FGF13: variants seen among roughly 807,000 people sequenced by gnomAD.
FGF13 encodes fibroblast growth factor homologous factor 2.
Under a neutral mutation model 19.5 loss-of-function variants are expected in FGF13, and 2 were observed. The observed-to-expected ratio is 0.10, with a 90% CI of 0.04 to 0.32. The LOEUF (loss-of-function observed/expected upper bound fraction) is 0.32. Among genes scored for constraint, FGF13 ranks in the 10% least tolerant of loss-of-function variants. The pLI, the probability that FGF13 is intolerant of heterozygous loss-of-function variation, is 1.00. For missense variants in FGF13, 113 were observed against 192.7 expected (o/e 0.59, Z 2.45); for synonymous variants, 72 against 76.9 (o/e 0.94, Z 0.33).
intron 1 of FGF13, among the ~76,000 whole-genome samples, chrX:138,718,154 G>C (rs1194121159): frequency 8.9e-6 from 1 of 112,434 alleles, no homozygotes; most frequent in Non-Finnish European, 1.9e-5. Flanking sequence ...AATATTTGAA[G>C]ATCTTGAAGG....
chrX:138,708,146 C>T (rs763649554), intron 2 of FGF13, among the ~76,000 whole-genome samples: 5 of 112,259 alleles, frequency 4.5e-5, no homozygotes, highest in Non-Finnish European at 7.5e-5. Flanking sequence ...TTTATTACTC[C>T]TAATAAATAA....
Position 139,175,354 on chromosome X carries a change from C to A in FGF13, c.-113+28062G>T, listed in dbSNP as rs138749246. 7.9e-3 allele frequency among the ~76,000 whole-genome samples: 885 copies of A among 112,249 alleles called. 8 individuals carry two copies. The highest frequency in any genetic ancestry group is 0.027 in the African/African-American group (836 of 30,917). On this transcript the variant is annotated intron_variant, in intron 1 of 2. Coordinates refer to the FGF13 transcript ENST00000421460. ...CAGTCATGTCATCTGCATACAGAGA[C>A]AATTTGACTTCCTCTCTTTCTATTT...
At chrX:139,088,745 C>T (rs183898740) in intron 1 of FGF13, among the ~76,000 whole-genome samples, 47 of 111,556 alleles carry the variant, frequency 4.2e-4, no homozygotes, top group African/African-American at 1.1e-3. Flanking sequence ...AAGGAACACA[C>T]TCCATCGAGG....
chrX:138,890,392 C>A (rs184202139), intron 1 of FGF13, among the ~76,000 whole-genome samples: 1 of 111,398 alleles, frequency 9.0e-6, no homozygotes, highest in Non-Finnish European at 1.9e-5. Context: ...ATATATGAAT[C>A]ATTGGTGTCA....
At chrX:139,179,394 T>A (rs1057035681) in intron 1 of FGF13, among the ~76,000 whole-genome samples, 16 of 110,915 alleles carry the variant, frequency 1.4e-4, no homozygotes, top group African/African-American at 5.3e-4. Context: ...GTTTTCATTT[T>A]ATTTCATTTT....
At chrX:139,119,235 T>C (rs947441773) in intron 1 of FGF13, among the ~76,000 whole-genome samples, 2 of 111,411 alleles carry the variant, frequency 1.8e-5, no homozygotes, top group Admixed American at 1.9e-4. Flanking sequence ...AAGTCCTTAT[T>C]TACCCAAATC....
intron 3 of FGF13, among the ~76,000 whole-genome samples, chrX:138,751,909 C>A (rs2090401282): frequency 1.8e-5 from 2 of 111,770 alleles, no homozygotes; most frequent in Admixed American, 1.9e-4. Flanking sequence ...CAACAACCCC[C>A]CAACACAGCT....
chrX:138,848,474 G>A lies in FGF13; in HGVS notation c.217+9038C>T, dbSNP rs182404495. Among the ~76,000 whole-genome samples, 59 of 111,172 alleles carry A rather than the reference G, an allele frequency of 5.3e-4. No individual in the cohort carries two copies. In the Middle Eastern group the frequency reaches 0.014, roughly 26 times the overall value. On this transcript the variant is annotated intron_variant, in intron 3 of 6. Coordinates refer to the FGF13 transcript ENST00000436198. ...TAAAAAAAAGTACCCCTGTTGAGCC[G>A]CTACCACAATAAATTTTTTTCCAGT...
At chrX:139,033,027 CAAAAAAAAAAAAAAAAA>C (rs758766077) in intron 1 of FGF13, among the ~76,000 whole-genome samples, 2 of 27,271 alleles carry the variant, frequency 7.3e-5, no homozygotes, top group African/African-American at 1.3e-4. Flanking sequence ...TCTGATTATC[CAAAAAAAAAAAAAAAAA>C]AAAAAAAAAA....
intron 3 of FGF13, among the ~76,000 whole-genome samples, chrX:138,847,568 C>G (rs2091191634): frequency 9.0e-6 from 1 of 111,682 alleles, no homozygotes; most frequent in Admixed American, 9.5e-5. Flanking sequence ...AAGACAAGGG[C>G]AAGTGCTGAT....
At chrX:139,050,695 T>C (rs1409806966) in intron 1 of FGF13, among the ~76,000 whole-genome samples, 2 of 112,088 alleles carry the variant, frequency 1.8e-5, no homozygotes, top group Non-Finnish European at 3.8e-5. Flanking sequence ...CTTATAGATG[T>C]TGGGTGTATT....
intron 1 of FGF13, among the ~76,000 whole-genome samples, chrX:139,020,536 G>C (rs2092173889): frequency 9.0e-6 from 1 of 110,951 alleles, no homozygotes; most frequent in Non-Finnish European, 1.9e-5. Flanking sequence ...CCGTATTATG[G>C]GGCCTGGTTC....
chrX:139,041,438 G>A (rs773357758), intron 1 of FGF13, among the ~76,000 whole-genome samples: 2 of 111,479 alleles, frequency 1.8e-5, no homozygotes, highest in South Asian at 7.5e-4. Flanking sequence ...CAAAAGCACT[G>A]ATACTAATAC....
intron 1 of FGF13, among the ~76,000 whole-genome samples, chrX:139,013,647 CTG>C (rs1162089951): frequency 4.7e-5 from 5 of 106,938 alleles, no homozygotes; most frequent in Non-Finnish European, 9.6e-5. Context: ...AAACCAAACA[CTG>C]TGTATTCTCA....
intron 1 of FGF13, among the ~76,000 whole-genome samples, chrX:139,055,536 G>C (rs2092318291): frequency 8.9e-6 from 1 of 112,437 alleles, no homozygotes; most frequent in Non-Finnish European, 1.9e-5. Flanking sequence ...TGTGTAAAAT[G>C]AACAAATTGA....
At chrX:138,873,051 G>T (rs2091366903) in intron 1 of FGF13, among the ~76,000 whole-genome samples, 1 of 111,612 alleles carries the variant, frequency 9.0e-6, no homozygotes, top group African/African-American at 3.3e-5. Context: ...ACGTTTTGAG[G>T]TTTTTTTGTG....
chrX:138,964,638 C>G (rs1052732905), intron 1 of FGF13, among the ~76,000 whole-genome samples: 2 of 111,679 alleles, frequency 1.8e-5, no homozygotes, highest in African/African-American at 3.3e-5. Flanking sequence ...TGCAGCTGTA[C>G]AAGAAGCGTA....
Position 138,711,192 on chromosome X carries a change from C to G in FGF13, c.-189G>C. 9.4e-7 allele frequency: 1 copy of G among 1,059,811 alleles called. No homozygotes were observed. The highest frequency in any genetic ancestry group is 1.2e-6 in the Non-Finnish European group (1 of 826,788). The allele number at this position is 1,059,811 out of a possible 1,213,427, so 87.3% of individuals were successfully genotyped here. A position where few individuals can be genotyped will look rare whatever the true frequency, so the allele number is the denominator to read the frequency against. ...GGGGCTCAGCATGCCGTCCGAGCTC[C>G]TCCGGCGGCGGTCCGGCTCCCGCGC... On this transcript the variant is annotated 5_prime_UTR_variant, in exon 1 of 5. Coordinates refer to ENST00000315930, the MANE Select transcript of FGF13 (RefSeq NM_004114.5).
At chrX:138,840,685 G>A (rs955920467) in intron 3 of FGF13, among the ~76,000 whole-genome samples, 7 of 111,299 alleles carry the variant, frequency 6.3e-5, no homozygotes, top group African/African-American at 2.3e-4. Context: ...CCCAAGACAG[G>A]GGCTGGTGAA....
Sources: gnomAD v4.1 joint callset for allele counts (sites outside exome capture counted in the v4.1 genomes callset) on GRCh38, gnomAD v4.1.1 for gene constraint, MANE v1.5 for transcripts, NCBI Gene and HGNC (gene_info 2026-07-23, HGNC 2026-07-21) for gene names.